The following FOXF1 variants were observed in gnomAD, a reference collection of about 807,000 sequenced individuals.
FOXF1 encodes forkhead box F1.
In FOXF1, 9 loss-of-function variants were observed where a neutral mutation model predicts 26.6. The ratio of observed to expected loss-of-function variants is 0.34; its 90% CI spans 0.20 to 0.59. The LOEUF (loss-of-function observed/expected upper bound fraction) is 0.59. FOXF1 is among the 20% of genes least tolerant of loss of function. FOXF1 has a pLI of 0.83. For synonymous variants in FOXF1, 330 were observed against 257.7 expected, an observed-to-expected ratio of 1.28 and a Z score of -2.69; for missense variants, 499 against 549.9, an observed-to-expected ratio of 0.91 and a Z score of 0.93.
rs75873731 is a variant in FOXF1, at chr16:86,511,624, G to A, written c.979+76G>A. ...TGGCAGCGGGACCCAGCTGGGGCGA[G>A]CCCCTCCACTTCTGTGGTCGGAACC... On this transcript the variant is annotated intron_variant, in intron 1 of 1. Coordinates refer to ENST00000262426, the MANE Select transcript of FOXF1 (RefSeq NM_001451.3). The A allele has an allele frequency of 7.6e-4, 1,170 of 1,534,332 alleles. 6 individuals are homozygous for A. In the African/African-American group the frequency reaches 0.014, roughly 18 times the overall value.
Position 86,513,045 on chromosome 16 carries a change from A to C in FOXF1, c.1100A>C (p.Gln367Pro), listed in dbSNP as rs1969593073. Residue 367 changes from glutamine (Q) to proline (P), a missense_variant, in exon 2 of 2, where the codon CAG becomes CCG. Gln to Pro is a moderately conservative substitution (Grantham distance 76, BLOSUM62 -1). Around this residue, in one of 5 missense-constraint regions of FOXF1, gnomAD observed 367 missense variants for 324.8 expected, o/e 1.13. Transcript: ENST00000262426. ...HSAGGGSYYHQQVTYQDIKPC... is the reference protein window; with the variant it reads ...HSAGGGSYYHPQVTYQDIKPC... ...GCCGGCGGGGGCTCCTACTACCACC[A>C]GCAGGTCACCTACCAAGACATCAAG... The C allele has an allele frequency of 1.2e-6, 2 of 1,613,200 alleles. No homozygotes were observed. Among genetic ancestry groups the C allele is most frequent in the South Asian group, 1.1e-5 (1 of 91,092 alleles).
intron 1 of FOXF1, among the ~76,000 whole-genome samples, chr16:86,512,529 C>T (rs1042580993): frequency 3.9e-5 from 6 of 152,246 alleles, no homozygotes; most frequent in East Asian, 1.9e-4. Context: ...CCTTCAACCC[C>T]GCCGGCAGTC....
chr16:86,513,147 A>G lies in FOXF1; in HGVS notation c.*62A>G. On this transcript the variant is annotated 3_prime_UTR_variant, in exon 2 of 2. Transcript: ENST00000262426. ...GGTCACAGGGACCCTGGACCGGCAC[A>G]AGAAACTGCTTTCTTCTCGAGGTAT... 1 of 1,552,410 alleles carries G rather than the reference A, an allele frequency of 6.4e-7. No homozygotes were observed. Among genetic ancestry groups the G allele is most frequent in the South Asian group, 1.1e-5 (1 of 89,762 alleles).
intron 1 of FOXF1, among the ~76,000 whole-genome samples, chr16:86,512,692 AGGC>A (rs1379733783): frequency 8.4e-6 from 1 of 118,362 alleles, no homozygotes; most frequent in African/African-American, 3.6e-5. Context: ...GGCACGCAGC[AGGC>A]AGGCAGGCAG....
Position 86,511,456 on chromosome 16 carries a change from C to A in FOXF1, c.887C>A (p.Ala296Glu), listed in dbSNP as rs374541494. The part of the protein sequence containing the change: ...KQQPLSPCNP[A>E]ANPLSGSLST... ...CAGCCCCTGTCCCCCTGTAACCCCG[C>A]GGCCAACCCCCTGTCCGGCAGCCTC... The change falls in exon 1 of 2, where the codon GCG becomes GAG. Residue 296 changes from alanine to glutamate, a missense_variant. This residue lies in a region of FOXF1 where 367 missense variants were observed against 324.8 expected (regional missense o/e 1.13). Transcript: ENST00000262426. 7 of 1,592,866 alleles carry A rather than the reference C, an allele frequency of 4.4e-6. No individual in the cohort carries two copies. The highest frequency in any genetic ancestry group is 5.9e-6 in the Non-Finnish European group (7 of 1,177,786).
Position 86,511,562 on chromosome 16 carries a change from C to A in FOXF1, c.979+14C>A, listed in dbSNP as rs1174393891. ...CCGAGCTGCAAGGTGAGTGGGGAGGCCGAGGGCGCCCTGGTCCCCGGGAAG... is the reference window on the plus strand; with the variant it reads ...CCGAGCTGCAAGGTGAGTGGGGAGGACGAGGGCGCCCTGGTCCCCGGGAAG... On this transcript the variant is annotated intron_variant, in intron 1 of 1. Transcript: ENST00000262426. 8.9e-6 allele frequency: 14 copies of A among 1,574,214 alleles called. No homozygotes were observed. Among genetic ancestry groups the A allele is most frequent in the Non-Finnish European group, 1.2e-5 (14 of 1,167,762 alleles).
In FOXF1 at chr16:86,511,477, G is replaced by T; in HGVS notation, c.908G>T (p.Ser303Ile). The change falls in exon 1 of 2, where the codon AGC becomes ATC. Residue 303 changes from serine (S) to isoleucine (I), a missense_variant. Ser to Ile is a moderately radical substitution (Grantham distance 142). Around this residue, in one of 5 missense-constraint regions of FOXF1, gnomAD observed 367 missense variants for 324.8 expected, o/e 1.13. Transcript: ENST00000262426. Reference protein sequence around the residue: ...CNPAANPLSGSLSTHSLEQPY... With the variant: ...CNPAANPLSGILSTHSLEQPY... ...CCCGCGGCCAACCCCCTGTCCGGCA[G>T]CCTCTCCACGCACTCCCTGGAGCAG... 6.3e-7 allele frequency: 1 copy of T among 1,588,580 alleles called. No individual in the cohort carries two copies. The highest frequency in any genetic ancestry group is 8.5e-7 in the Non-Finnish European group (1 of 1,175,812).
chr16:86,510,542 C>T lies in FOXF1; in HGVS notation c.-28C>T. On this transcript the variant is annotated 5_prime_UTR_variant, in exon 1 of 2. Transcript: ENST00000262426. ...CGTCCGCGGCGCAGAGCAGCGGCGGCAGCGGCGGCGGCGGCAGCAGCCACC... is the reference window on the plus strand; with the variant it reads ...CGTCCGCGGCGCAGAGCAGCGGCGGTAGCGGCGGCGGCGGCAGCAGCCACC... 7.7e-7 allele frequency: 1 copy of T among 1,299,384 alleles called. No individual in the cohort carries two copies. The highest frequency in any genetic ancestry group is 9.7e-7 in the Non-Finnish European group (1 of 1,026,630). 80.5% of individuals were successfully genotyped at this position (1,299,384 alleles called of 1,614,324 possible).
At chr16:86,511,681 G>C in intron 1 of FOXF1, 133 bp downstream of exon 1, 2 of 1,278,520 alleles carry the variant, frequency 1.6e-6, no homozygotes, top group African/African-American at 1.5e-5. Flanking sequence ...AGCTCCCCAA[G>C]GTGTCTCTTG....
rs1449739418 is a variant in FOXF1, at chr16:86,510,899, C to A, written c.330C>A (p.Pro110=). 1.2e-6 allele frequency: 2 copies of A among 1,613,950 alleles called. No individual in the cohort carries two copies. The change falls in exon 1 of 2, where the codon CCC becomes CCA. Residue 110 remains proline (P), a synonymous_variant. Coordinates refer to ENST00000262426, the MANE Select transcript of FOXF1 (RefSeq NM_001451.3). Reference sequence around the variant, plus strand: ...TCAACGAGTGCTTCATCAAGCTACCCAAGGGCCTTGGGCGGCCCGGCAAGG... The same window carrying A: ...TCAACGAGTGCTTCATCAAGCTACCAAAGGGCCTTGGGCGGCCCGGCAAGG... ...LSLNECFIKL[P]KGLGRPGKGH... is the part of the protein sequence containing the mutation.
intron 1 of FOXF1, among the ~76,000 whole-genome samples, chr16:86,512,303 C>T (rs577239955): frequency 1.3e-5 from 2 of 152,340 alleles, no homozygotes; most frequent in South Asian, 4.1e-4. Context: ...TGCCCCAGGC[C>T]CCCCGCAGCC....
chr16:86,511,411 G>T lies in FOXF1; in HGVS notation c.842G>T (p.Gly281Val), dbSNP rs778302454. The change falls in exon 1 of 2, where the codon GGC becomes GTC. Residue 281 changes from glycine to valine, a missense_variant. Gly to Val is a moderately radical substitution (Grantham distance 109, BLOSUM62 -3). Around this residue, in one of 5 missense-constraint regions of FOXF1, gnomAD observed 367 missense variants for 324.8 expected, o/e 1.13. Transcript: ENST00000262426. Reference protein sequence around the residue: ...PPSASAALNSGASYIKQQPLS... With the variant: ...PPSASAALNSVASYIKQQPLS... Reference sequence around the variant, plus strand: ...TCGGCGTCCGCGGCGCTCAACAGCGGCGCCTCTTATATCAAGCAGCAGCCC... The same window carrying T: ...TCGGCGTCCGCGGCGCTCAACAGCGTCGCCTCTTATATCAAGCAGCAGCCC... The T allele has an allele frequency of 6.3e-6, 10 of 1,592,726 alleles. No individual in the cohort carries two copies. The highest frequency in any genetic ancestry group is 8.5e-6 in the Non-Finnish European group (10 of 1,177,426).
Position 86,511,173 on chromosome 16 carries a change from A to C in FOXF1, c.604A>C (p.Asn202His). 1 of 1,583,628 alleles carries C rather than the reference A, an allele frequency of 6.3e-7. No homozygotes were observed. The highest frequency in any genetic ancestry group is 8.5e-7 in the Non-Finnish European group (1 of 1,172,742). The change falls in exon 1 of 2, where the codon AAC becomes CAC. Residue 202 changes from asparagine to histidine, a missense_variant. Physicochemically the swap from Asn to His is moderately conservative, Grantham distance 68. This residue lies in a region of FOXF1 where 367 missense variants were observed against 324.8 expected (regional missense o/e 1.13). Transcript: ENST00000262426. ...LGMMNGHLPG[N>H]VDGMALPSHS... ...CATGATGAACGGCCACTTGCCGGGC[A>C]ACGTGGACGGCATGGCCCTGCCCAG...
chr16:86,510,634 G>A lies in FOXF1; in HGVS notation c.65G>A (p.Gly22Asp), dbSNP rs1969546259. Residue 22 changes from glycine (G) to aspartate (D), a missense_variant, in exon 1 of 2, where the codon GGC becomes GAC. Around this residue, in one of 5 missense-constraint regions of FOXF1, gnomAD observed 76 missense variants for 78.9 expected, o/e 0.96. Coordinates refer to ENST00000262426, the MANE Select transcript of FOXF1 (RefSeq NM_001451.3). ...GGCGGCGGCGGCGGCGGCGGGGGAGGCGGCGCGGCCATGGACCCCGCGTCG... is the reference window on the plus strand; with the variant it reads ...GGCGGCGGCGGCGGCGGCGGGGGAGACGGCGCGGCCATGGACCCCGCGTCG... ...HGGGGGGGGG[G>D]GAAMDPASSG... 7.0e-7 allele frequency: 1 copy of A among 1,420,908 alleles called. No homozygotes were observed. The highest frequency in any genetic ancestry group is 9.1e-7 in the Non-Finnish European group (1 of 1,095,422). The allele number at this position is 1,420,908 out of a possible 1,614,324, so 88.0% of individuals were successfully genotyped here.
chr16:86,513,451 A>T lies in FOXF1; in HGVS notation c.*366A>T. 1 of 267,190 alleles carries T rather than the reference A, an allele frequency of 3.7e-6. No homozygotes were observed. The allele number at this position is 267,190 out of a possible 1,614,324, so 16.6% of individuals were successfully genotyped here. A position where few individuals can be genotyped will look rare whatever the true frequency, so the allele number is the denominator to read the frequency against. ...CCCCCTCCTTCCGGCCAATGGCAGA[A>T]GTGGGGGAAAATTTTTAGAAGAAAA... On this transcript the variant is annotated 3_prime_UTR_variant, in exon 2 of 2. Coordinates refer to ENST00000262426, the MANE Select transcript of FOXF1 (RefSeq NM_001451.3).
chr16:86,511,247 C>T lies in FOXF1; in HGVS notation c.678C>T (p.Gly226=). 6.6e-7 allele frequency: 1 copy of T among 1,521,468 alleles called. No homozygotes were observed. Among genetic ancestry groups the T allele is most frequent in the South Asian group, 1.2e-5 (1 of 81,842 alleles). 94.2% of individuals were successfully genotyped at this position (1,521,468 alleles called of 1,614,324 possible). A position where few individuals can be genotyped will look rare whatever the true frequency, so the allele number is the denominator to read the frequency against. The part of the protein sequence containing the change: ...LPSNGGHSYM[G]GCGGAAAGEY... ...CCAACGGCGGCCACTCGTACATGGG[C>T]GGCTGCGGCGGCGCGGCGGCCGGCG... The change falls in exon 1 of 2, where the codon GGC becomes GGT. Residue 226 remains glycine (G), a synonymous_variant. Transcript: ENST00000262426.
chr16:86,511,650 C>A, intron 1 of FOXF1, 102 bp downstream of exon 1: 1 of 1,513,240 alleles, frequency 6.6e-7, no homozygotes, highest in Non-Finnish European at 8.9e-7. Flanking sequence ...GGTCGGAACC[C>A]CAAGGCTGAG....
In FOXF1 at chr16:86,513,256, C is replaced by T. The variant is rs1969596983; in HGVS notation, c.*171C>T. 1 of 639,648 alleles carries T rather than the reference C, an allele frequency of 1.6e-6. No homozygotes were observed. Among genetic ancestry groups the T allele is most frequent in the South Asian group, 1.9e-5 (1 of 52,616 alleles). The allele number at this position is 639,648 out of a possible 1,614,324, so 39.6% of individuals were successfully genotyped here. A position where few individuals can be genotyped will look rare whatever the true frequency, so the allele number is the denominator to read the frequency against. ...TCCCCAATGCAAAGACACAGCGCTG[C>T]GGTTGGCACCTCCTTCCTCACTCCT... On this transcript the variant is annotated 3_prime_UTR_variant, in exon 2 of 2. Coordinates refer to ENST00000262426, the MANE Select transcript of FOXF1 (RefSeq NM_001451.3).
chr16:86,513,838 A>G lies in FOXF1; in HGVS notation c.*753A>G, dbSNP rs1969606753. 1 of 152,204 alleles carries G rather than the reference A, an allele frequency of 6.6e-6. No homozygotes were observed. Among genetic ancestry groups the G allele is most frequent in the South Asian group, 2.1e-4 (1 of 4,828 alleles). The allele number at this position is 152,204 out of a possible 1,614,324, so 9.4% of individuals were successfully genotyped here. Reference sequence around the variant, plus strand: ...TTCCTTCGCTTCAGCCTCTTCTGTTATGTTTTGTCTTGAATTTTATTTAGA... The same window carrying G: ...TTCCTTCGCTTCAGCCTCTTCTGTTGTGTTTTGTCTTGAATTTTATTTAGA... On this transcript the variant is annotated 3_prime_UTR_variant, in exon 2 of 2. Transcript: ENST00000262426.
Sources: allele counts gnomAD v4.1 joint callset (sites outside exome capture counted in the v4.1 genomes callset), GRCh38; gene constraint gnomAD v4.1.1; regional missense constraint gnomAD v4.1.1; transcripts MANE v1.5; gene names NCBI Gene and HGNC (gene_info 2026-07-23, HGNC 2026-07-21).